The following CGNL1 variants were observed in gnomAD, a reference collection of about 807,000 sequenced individuals.
The protein encoded by CGNL1 is cingulin like 1, also known as cingulin-like protein 1.
CGNL1 carries 132 observed loss-of-function variants against 141.2 expected under a neutral mutation model. That is an observed-to-expected ratio of 0.93 (90% CI 0.81 to 1.08). The LOEUF is 1.08. Among genes scored for constraint, CGNL1 ranks in the 50% least tolerant of loss-of-function variants. The pLI is 0.00. For synonymous variants in CGNL1, 690 were observed against 622.1 expected (o/e 1.11, Z -1.63); for missense variants, 1,870 against 1,588.6 (o/e 1.18, Z -3.01).
chr15:57,444,001 G>A (rs898573739), intron 4 of CGNL1, among the ~76,000 whole-genome samples: 1 of 152,126 alleles, frequency 6.6e-6, no homozygotes, highest in African/African-American at 2.4e-5. Flanking sequence ...TATCTGTACA[G>A]TTCATTGAAT....
In CGNL1 at chr15:57,543,703, A is replaced by G; in HGVS notation, c.3299A>G (p.Gln1100Arg). ...TTGTTCTGCTTGCTGTAGATGGAGC[A>G]GTTGAGGAATGAGCTACTTCAGGAG... is the stretch of plus-strand genomic sequence containing the variant. Reference protein sequence around the residue: ...RISRSREQMEQLRNELLQERA... With the variant: ...RISRSREQMERLRNELLQERA... Residue 1100 changes from glutamine to arginine, a missense_variant, in exon 15 of 19, where the codon CAG becomes CGG. By Grantham distance (43) the Gln-to-Arg change is conservative. Coordinates refer to ENST00000281282, the MANE Select transcript of CGNL1 (RefSeq NM_032866.5). 1 of 1,613,468 alleles carries G rather than the reference A, an allele frequency of 6.2e-7. No individual in the cohort carries two copies. The highest frequency in any genetic ancestry group is 8.5e-7 in the Non-Finnish European group (1 of 1,179,444).
At chr15:57,381,326 G>A (rs149796342) in intron 1 of CGNL1, among the ~76,000 whole-genome samples, 22 of 152,252 alleles carry the variant, frequency 1.4e-4, no homozygotes, top group African/African-American at 4.6e-4. Context: ...TTGGGAGGCC[G>A]AGGCAGGTGG....
chr15:57,500,155 T>C (rs1228254544), intron 8 of CGNL1, among the ~76,000 whole-genome samples: 1 of 152,086 alleles, frequency 6.6e-6, no homozygotes, highest in Non-Finnish European at 1.5e-5. Flanking sequence ...GTGTGAGATG[T>C]TTTCCTTCAT....
intron 1 of CGNL1, among the ~76,000 whole-genome samples, chr15:57,415,899 G>C (rs1336946373): frequency 6.6e-6 from 1 of 152,192 alleles, no homozygotes; most frequent in Non-Finnish European, 1.5e-5. Flanking sequence ...TTTTTTCCCA[G>C]CGAACCTCCA....
At chr15:57,442,839 G>A (rs964885589) in intron 4 of CGNL1, among the ~76,000 whole-genome samples, 1 of 152,100 alleles carries the variant, frequency 6.6e-6, no homozygotes, top group East Asian at 1.9e-4. Context: ...GGCTGGTCTC[G>A]AACGTCTGGG....
Position 57,452,214 on chromosome 15 carries a change from A to C in CGNL1, c.1979A>C (p.Glu660Ala). 1 of 1,613,952 alleles carries C rather than the reference A, an allele frequency of 6.2e-7. No homozygotes were observed. The highest frequency in any genetic ancestry group is 2.2e-5 in the East Asian group (1 of 44,858). Residue 660 changes from glutamate to alanine, a missense_variant, in exon 6 of 19, where the codon GAA becomes GCA. Transcript: ENST00000281282. Reference sequence around the variant, plus strand: ...GAAGAGCTCCGAAGCCAACACAACGAAAAGGTGGAGGAGAACTCCACATTG... The same window carrying C: ...GAAGAGCTCCGAAGCCAACACAACGCAAAGGTGGAGGAGAACTCCACATTG... ...NLEELRSQHN[E>A]KVEENSTLQQ... is the part of the protein sequence containing the mutation.
Position 57,511,668 on chromosome 15 carries a change from A to G in CGNL1, c.2404-5112A>G, listed in dbSNP as rs184087770. Among the ~76,000 whole-genome samples, 7 of 152,348 alleles carry G rather than the reference A, an allele frequency of 4.6e-5. No homozygotes were observed. The East Asian group carries it at 7.7e-4, about 17-fold the overall frequency. On this transcript the variant is annotated intron_variant, in intron 8 of 18. Transcript: ENST00000281282. Reference sequence around the variant, plus strand: ...GTGGCTGCCTCATAGCTGAAAAAATAACCTTGGTGTAATTTTTAGTGATGA... The same window carrying G: ...GTGGCTGCCTCATAGCTGAAAAAATGACCTTGGTGTAATTTTTAGTGATGA...
chr15:57,535,458 G>A (rs1448976761), intron 14 of CGNL1, among the ~76,000 whole-genome samples: 1 of 152,136 alleles, frequency 6.6e-6, no homozygotes, highest in Non-Finnish European at 1.5e-5. Flanking sequence ...AAAGAGGGTG[G>A]GGACCTGGGG....
intron 1 of CGNL1, among the ~76,000 whole-genome samples, chr15:57,391,301 C>T (rs776576650): frequency 4.4e-4 from 67 of 152,240 alleles, no homozygotes; most frequent in Admixed American, 1.1e-3. Context: ...TAAGGGATGA[C>T]ATAGGCGAAG....
chr15:57,529,064 A>G (rs1363504182), intron 13 of CGNL1: 2 of 380,330 alleles, frequency 5.3e-6, no homozygotes, highest in Non-Finnish European at 9.5e-6. Flanking sequence ...TTGAGAGGAA[A>G]TGGAACAGAT....
chr15:57,421,325 C>T (rs1212824884), intron 1 of CGNL1, among the ~76,000 whole-genome samples: 1 of 152,208 alleles, frequency 6.6e-6, no homozygotes, highest in Non-Finnish European at 1.5e-5. Flanking sequence ...CTGACTGATA[C>T]ACCATTATAT....
rs560851988 is a variant in CGNL1, at chr15:57,468,497, G to T, written c.2403+6605G>T. 1.4e-4 allele frequency among the ~76,000 whole-genome samples: 21 copies of T among 151,864 alleles called. No homozygotes were observed. The South Asian group carries it at 4.4e-3, about 32-fold the overall frequency. On this transcript the variant is annotated intron_variant, in intron 8 of 18. Coordinates refer to ENST00000281282, the MANE Select transcript of CGNL1 (RefSeq NM_032866.5). ...TCTGCTCACGTCAGCCTCCCAAAAT[G>T]TTGGGGTTATAGGTGTGACCCACTG...
In CGNL1 at chr15:57,461,829, G is replaced by A. The variant is rs1356600274; in HGVS notation, c.2340G>A (p.Lys780=). 2 of 1,614,078 alleles carry A rather than the reference G, an allele frequency of 1.2e-6. No individual in the cohort carries two copies. Among genetic ancestry groups the A allele is most frequent in the Admixed American group, 3.3e-5 (2 of 60,022 alleles). Residue 780 remains lysine, a synonymous_variant, in exon 8 of 19, where the codon AAG becomes AAA. Transcript: ENST00000281282. The part of the protein sequence containing the change: ...EVSSHDQEMD[K]LKEQYDAELQ... ...CCAGCCATGATCAGGAGATGGACAA[G>A]CTGAAGGAGCAATATGATGCTGAGT...
At position 57,438,815 on chromosome 15, in the gene CGNL1, G is replaced by A. The variant is rs746906487; in HGVS notation, c.816G>A (p.Arg272=). 9.3e-6 allele frequency: 15 copies of A among 1,614,138 alleles called. No homozygotes were observed. In the Admixed American group the frequency reaches 2.5e-4, roughly 27 times the overall value. Residue 272 remains arginine (R), a synonymous_variant, in exon 2 of 19, where the codon AGG becomes AGA. Transcript: ENST00000281282. ...PHAHPETKKT[R]PDVLPFRRQD... ...CCCACCCTGAAACCAAGAAAACCAG[G>A]CCAGATGTTCTTCCCTTCCGGCGAC...
intron 1 of CGNL1, among the ~76,000 whole-genome samples, chr15:57,427,604 G>C (rs1317823570): frequency 1.3e-5 from 2 of 152,230 alleles, no homozygotes; most frequent in African/African-American, 4.8e-5. Flanking sequence ...AATTTTCCCT[G>C]ATTGGATCTG....
chr15:57,377,696 G>A (rs992662151), intron 1 of CGNL1, among the ~76,000 whole-genome samples: 1 of 152,172 alleles, frequency 6.6e-6, no homozygotes, highest in Non-Finnish European at 1.5e-5. Flanking sequence ...ATACTGCCAG[G>A]GCACTTTCTG....
chr15:57,491,028 A>C (rs2063854082), intron 8 of CGNL1, among the ~76,000 whole-genome samples: 1 of 152,156 alleles, frequency 6.6e-6, no homozygotes, highest in African/African-American at 2.4e-5. Context: ...GAGCCTGAGG[A>C]GCTATGATGA....
chr15:57,512,661 C>A (rs1225581162), intron 8 of CGNL1, among the ~76,000 whole-genome samples: 3 of 152,190 alleles, frequency 2.0e-5, no homozygotes, highest in African/African-American at 7.2e-5. Flanking sequence ...ACAATTCAGT[C>A]CAGGTTCCCT....
intron 12 of CGNL1, among the ~76,000 whole-genome samples, chr15:57,526,949 T>G (rs1267741261): frequency 3.3e-5 from 5 of 152,204 alleles, no homozygotes; most frequent in African/African-American, 1.2e-4. Context: ...CTCACACTCA[T>G]GTTCTTTCTG....
Sources: allele counts gnomAD v4.1 joint callset (sites outside exome capture counted in the v4.1 genomes callset), GRCh38; gene constraint gnomAD v4.1.1; transcripts MANE v1.5; gene names NCBI Gene and HGNC (gene_info 2026-07-23, HGNC 2026-07-21).